The following ROBO2 variants were observed in gnomAD, a reference collection of about 807,000 sequenced individuals.
The protein encoded by ROBO2 is roundabout homolog 2.
In ROBO2, 53 loss-of-function variants were observed where a neutral mutation model predicts 160.8. That is an observed-to-expected ratio of 0.33 (90% CI 0.26 to 0.41). The LOEUF is 0.41. Ranked by LOEUF, ROBO2 falls within the 10% of genes least tolerant of loss-of-function variation. The pLI is 1.00. For missense variants in ROBO2, 1,577 were observed against 1,722.4 expected (o/e 0.92, Z 1.49); for synonymous variants, 664 against 611.7 (o/e 1.09, Z -1.26).
intron 2 of ROBO2, among the ~76,000 whole-genome samples, chr3:77,197,002 A>G (rs1308883145): frequency 6.6e-6 from 1 of 151,918 alleles, no homozygotes; most frequent in African/African-American, 2.4e-5. Flanking sequence ...AAAAAAAACA[A>G]GAAAAAGAAA....
intron 1 of ROBO2, among the ~76,000 whole-genome samples, chr3:75,918,941 AGGT>A (rs1946918738): frequency 1.3e-5 from 2 of 152,250 alleles, no homozygotes; most frequent in East Asian, 1.9e-4. Flanking sequence ...TTTTGGGCTG[AGGT>A]GGTGGCGTTT....
chr3:77,305,919 C>T (rs190316976), intron 2 of ROBO2, among the ~76,000 whole-genome samples: 1 of 152,152 alleles, frequency 6.6e-6, no homozygotes, highest in East Asian at 1.9e-4. Context: ...CCCTTTTATT[C>T]TTTTGAAGAC....
chr3:76,750,652 C>G (rs898031916), intron 2 of ROBO2, among the ~76,000 whole-genome samples: 2 of 152,096 alleles, frequency 1.3e-5, no homozygotes, highest in Admixed American at 6.6e-5. Flanking sequence ...ACACCAATAA[C>G]AGACAAACAG....
chr3:77,025,239 T>C (rs2062892020), intron 2 of ROBO2, among the ~76,000 whole-genome samples: 1 of 152,216 alleles, frequency 6.6e-6, no homozygotes, highest in African/African-American at 2.4e-5. Context: ...TCTTAGTTAT[T>C]ATTTTGGACT....
rs138126879 is a variant in ROBO2 at position 77,591,101 on chromosome 3, G to T, written c.2683+2168G>T. 8.6e-3 allele frequency among the ~76,000 whole-genome samples: 1,302 copies of T among 152,204 alleles called. 15 individuals carry two copies. Among genetic ancestry groups the T allele is most frequent in the African/African-American group, 0.03 (1,230 of 41,530 alleles). The stretch of plus-strand genomic sequence containing the variant: ...TTTAATATGAGTGAGCAAATTATGT[G>T]AAATGCTAAACACTTCACACATAGG... On this transcript the variant is annotated intron_variant, in intron 17 of 25. Transcript: ENST00000461745.
chr3:76,622,191 AAAGGAAGGAAGGAAGGAAGG>A lies in ROBO2; in HGVS notation c.110-475795_110-475776del, dbSNP rs1163132103. 4.6e-4 allele frequency among the ~76,000 whole-genome samples: 30 copies of A among 65,932 alleles called. 1 individual carries two copies. Among genetic ancestry groups the A allele is most frequent in the African/African-American group, 1.2e-3 (19 of 16,310 alleles). The allele number at this position is 65,932 out of a possible 152,430, so 43.3% of individuals were successfully genotyped here. A position where few individuals can be genotyped will look rare whatever the true frequency, so the allele number is the denominator to read the frequency against. On this transcript the variant is annotated intron_variant, in intron 2 of 26. Transcript: ENST00000487694. ...AGACCTCATATCTACTAAAAAAAAG[AAAGGAAGGAAGGAAGGAAGG>A]AAGGAAGGAAGGAAGGAAGGAAGGA...
At chr3:77,384,507 C>T (rs1320730643) in intron 2 of ROBO2, among the ~76,000 whole-genome samples, 1 of 152,146 alleles carries the variant, frequency 6.6e-6, no homozygotes, top group African/African-American at 2.4e-5. Context: ...AAATACCTCT[C>T]TCCAACTTTT....
At chr3:76,096,533 A>AT (rs1025041274) in intron 2 of ROBO2, among the ~76,000 whole-genome samples, 6 of 152,004 alleles carry the variant, frequency 3.9e-5, no homozygotes, top group Admixed American at 6.6e-5. Context: ...TTGAGTGTTT[A>AT]TTTTTTTATG....
intron 2 of ROBO2, among the ~76,000 whole-genome samples, chr3:77,371,459 C>T (rs2071742341): frequency 1.3e-5 from 2 of 152,146 alleles, no homozygotes; most frequent in Admixed American, 1.3e-4. Context: ...CTTAAGTTCT[C>T]ATTTACTCTC....
intron 5 of ROBO2, among the ~76,000 whole-genome samples, chr3:77,514,802 A>G (rs902896112): frequency 5.3e-5 from 8 of 151,806 alleles, no homozygotes; most frequent in African/African-American, 1.9e-4. Context: ...ACATGGACCA[A>G]TGTATCTTGA....
intron 1 of ROBO2, among the ~76,000 whole-genome samples, chr3:77,054,741 G>T (rs970929332): frequency 6.6e-6 from 1 of 152,052 alleles, no homozygotes; most frequent in Non-Finnish European, 1.5e-5. Context: ...AAGTTAAGAT[G>T]GGCAGTGAGA....
chr3:76,496,653 C>T (rs1210748685), intron 2 of ROBO2, among the ~76,000 whole-genome samples: 1 of 152,148 alleles, frequency 6.6e-6, no homozygotes, highest in Non-Finnish European at 1.5e-5. Flanking sequence ...TAGAGTCCTT[C>T]CCCAGTTTCT....
chr3:76,891,446 G>C (rs1450158470), intron 2 of ROBO2, among the ~76,000 whole-genome samples: 1 of 152,086 alleles, frequency 6.6e-6, no homozygotes, highest in Non-Finnish European at 1.5e-5. Context: ...TACTTTTCCA[G>C]CATTGTTTAT....
At chr3:77,643,776 C>A (rs1454393168) in intron 24 of ROBO2, among the ~76,000 whole-genome samples, 2 of 152,154 alleles carry the variant, frequency 1.3e-5, no homozygotes, top group Non-Finnish European at 2.9e-5. Flanking sequence ...TTTGTCACAA[C>A]TTGGTGCTCA....
chr3:75,994,383 C>T (rs2065666442), intron 2 of ROBO2, among the ~76,000 whole-genome samples: 1 of 152,134 alleles, frequency 6.6e-6, no homozygotes, highest in South Asian at 2.1e-4. Flanking sequence ...TCCCAGAATC[C>T]CATGTCATGG....
chr3:76,108,802 AACT>A (rs2070073356), intron 2 of ROBO2, among the ~76,000 whole-genome samples: 1 of 151,262 alleles, frequency 6.6e-6, no homozygotes, highest in African/African-American at 2.4e-5. Context: ...TTTTTAAATT[AACT>A]ATTATTTTGA....
At chr3:76,805,822 C>A (rs2064659517) in intron 2 of ROBO2, among the ~76,000 whole-genome samples, 2 of 151,908 alleles carry the variant, frequency 1.3e-5, no homozygotes, top group Admixed American at 1.3e-4. Context: ...CCAAACATAG[C>A]CATTGGTGTC....
In ROBO2 at chr3:76,837,377, C is replaced by T. The variant is rs185976427; in HGVS notation, c.110-260637C>T. ...AAGAAAATACCTCAAGAATCAACTA[C>T]CTACATAGATATTTAATTCATGTAA... is the stretch of plus-strand genomic sequence containing the variant. On this transcript the variant is annotated intron_variant, in intron 2 of 26. Coordinates refer to the ROBO2 transcript ENST00000487694. Among the ~76,000 whole-genome samples, 3 of 151,934 alleles carry T rather than the reference C, an allele frequency of 2.0e-5. No homozygotes were observed. In the East Asian group the frequency reaches 5.8e-4, roughly 29 times the overall value.
chr3:76,587,045 T>C (rs2086087044), intron 2 of ROBO2, among the ~76,000 whole-genome samples: 1 of 152,182 alleles, frequency 6.6e-6, no homozygotes, highest in African/African-American at 2.4e-5. Flanking sequence ...CCCAGATACA[T>C]GATACAATTG....
Sources: gnomAD v4.1 joint callset for allele counts (sites outside exome capture counted in the v4.1 genomes callset) on GRCh38, gnomAD v4.1.1 for gene constraint, MANE v1.5 for transcripts, NCBI Gene and HGNC (gene_info 2026-07-23, HGNC 2026-07-21) for gene names.